Variants in ME1 observed in about 807,000 individuals in gnomAD.
ME1 encodes the protein NADP-dependent malic enzyme.
A neutral mutation model predicts 66.4 loss-of-function variants in ME1; 74 were observed. The ratio of observed to expected loss-of-function variants is 1.11; its 90% CI spans 0.92 to 1.35. The LOEUF (loss-of-function observed/expected upper bound fraction) is 1.35, where lower values mean the gene tolerates loss of function less well. ME1 is among the 40% of genes most tolerant of loss of function. The probability of loss-of-function intolerance (pLI) is 0.00; values close to 1 mark genes in which losing one functional copy is unlikely to be tolerated. For synonymous variants in ME1, 251 were observed against 235.6 expected (o/e 1.07, Z -0.60); for missense variants, 750 against 694.1 (o/e 1.08, Z -0.90).
rs76153164 is a variant in ME1, at chr6:83,278,059, C to T, written c.705-24321G>A. ...CATGTAAAGAGCTTGGAAACTGTTACTCCCATCTCACAAGAAAAATGCTGA... is the reference window on the plus strand; with the variant it reads ...CATGTAAAGAGCTTGGAAACTGTTATTCCCATCTCACAAGAAAAATGCTGA... On this transcript the variant is annotated intron_variant, in intron 6 of 13. Coordinates refer to ENST00000369705, the MANE Select transcript of ME1 (RefSeq NM_002395.6). 5.9e-3 allele frequency among the ~76,000 whole-genome samples: 896 copies of T among 152,138 alleles called. 24 individuals carry two copies. The East Asian group carries it at 0.06, about 10-fold the overall frequency.
chr6:83,300,690 T>C (rs1767699094), intron 6 of ME1, among the ~76,000 whole-genome samples: 1 of 137,814 alleles, frequency 7.3e-6, no homozygotes, highest in Admixed American at 8.0e-5. Context: ...AGCCATCCCA[T>C]TACTGGGTAC....
chr6:83,241,379 G>A (rs1790505586), intron 7 of ME1, among the ~76,000 whole-genome samples: 1 of 152,048 alleles, frequency 6.6e-6, no homozygotes, highest in African/African-American at 2.4e-5. Flanking sequence ...AGCAATCACT[G>A]TATTTGTATT....
In ME1 at chr6:83,239,549, C is replaced by G. The variant is rs539655823; in HGVS notation, c.902G>C (p.Gly301Ala). Residue 301 changes from glycine (G) to alanine (A), a missense_variant, in exon 8 of 14, where the codon GGA becomes GCA. Gly to Ala is a moderately conservative substitution (Grantham distance 60). Coordinates refer to ENST00000369705, the MANE Select transcript of ME1 (RefSeq NM_002395.6). ...ACACAAGGCAAATACCTCTCCAGCT[C>G]CTTGGAATAGTATTGTTTGATCAGA... ...KLSDQTILFQ[G>A]AGEAALGIAH... The G allele has an allele frequency of 1.2e-6, 2 of 1,611,518 alleles. 1 individual carries two copies. Among genetic ancestry groups the G allele is most frequent in the Admixed American group, 3.3e-5 (2 of 59,984 alleles).
intron 5 of ME1, among the ~76,000 whole-genome samples, chr6:83,337,998 T>C (rs1449095136): frequency 4.0e-5 from 1 of 25,256 alleles, no homozygotes; most frequent in Non-Finnish European, 6.6e-5. Flanking sequence ...AGATAAAGGG[T>C]ATTCAATTAG....
chr6:83,277,679 A>C (rs1329167689), intron 6 of ME1, among the ~76,000 whole-genome samples: 2 of 152,120 alleles, frequency 1.3e-5, no homozygotes, highest in Non-Finnish European at 2.9e-5. Context: ...AGGCAGGCAG[A>C]TCACTTGAGG....
intron 6 of ME1, among the ~76,000 whole-genome samples, chr6:83,267,129 A>G (rs1375104188): frequency 6.6e-6 from 1 of 152,126 alleles, no homozygotes; most frequent in Non-Finnish European, 1.5e-5. Context: ...GATGTGTGGA[A>G]GCTCAATAAT....
chr6:83,333,989 TG>T (rs1273055751), intron 5 of ME1, among the ~76,000 whole-genome samples: 8 of 152,174 alleles, frequency 5.3e-5, no homozygotes, highest in Admixed American at 4.6e-4. Context: ...GGAACAGCTC[TG>T]GTCTACAGCT....
intron 6 of ME1, among the ~76,000 whole-genome samples, chr6:83,288,992 T>C (rs573004327): frequency 6.6e-6 from 1 of 152,362 alleles, no homozygotes; most frequent in South Asian, 2.1e-4. Context: ...TTTTTGCACA[T>C]TGATTTTGTA....
intron 1 of ME1, among the ~76,000 whole-genome samples, chr6:83,414,911 G>A (rs1181992292): frequency 6.6e-6 from 1 of 152,134 alleles, no homozygotes; most frequent in Non-Finnish European, 1.5e-5. Context: ...AAAAGTATCT[G>A]TTAAATAAGC....
intron 6 of ME1, among the ~76,000 whole-genome samples, chr6:83,310,741 A>G (rs1767914311): frequency 6.6e-6 from 1 of 152,174 alleles, no homozygotes; most frequent in South Asian, 2.1e-4. Flanking sequence ...TATAAGGACA[A>G]TGGGAAAAAA....
chr6:83,358,753 C>T (rs1468423903), intron 3 of ME1, among the ~76,000 whole-genome samples: 1 of 152,162 alleles, frequency 6.6e-6, no homozygotes, highest in Non-Finnish European at 1.5e-5. Context: ...GCAACATCCC[C>T]TCCTGGACCC....
chr6:83,274,207 C>A (rs1308120214), intron 6 of ME1, among the ~76,000 whole-genome samples: 1 of 151,746 alleles, frequency 6.6e-6, no homozygotes, highest in African/African-American at 2.4e-5. Context: ...GTGTTCATGC[C>A]CATGGTTAAA....
chr6:83,262,758 G>A (rs1766921694), intron 6 of ME1, among the ~76,000 whole-genome samples: 1 of 152,316 alleles, frequency 6.6e-6, no homozygotes, highest in South Asian at 2.1e-4. Flanking sequence ...GGTAGTGAGT[G>A]TTGCCATCTA....
chr6:83,298,643 G>A (rs960253322), intron 6 of ME1, among the ~76,000 whole-genome samples: 5 of 152,066 alleles, frequency 3.3e-5, no homozygotes, highest in Admixed American at 3.3e-4. Flanking sequence ...CTTTGTCCAT[G>A]CCTATGTCTT....
intron 5 of ME1, among the ~76,000 whole-genome samples, chr6:83,329,787 CTTACT>C (rs369360253): frequency 4.6e-5 from 7 of 151,776 alleles, no homozygotes; most frequent in African/African-American, 1.7e-4. Flanking sequence ...CATTTTCTTA[CTTACT>C]TTAAAGTGTT....
intron 6 of ME1, among the ~76,000 whole-genome samples, chr6:83,273,222 A>G (rs572878831): frequency 3.7e-4 from 56 of 151,682 alleles, no homozygotes; most frequent in African/African-American, 1.3e-3. Context: ...CTGTAATACT[A>G]GTTTCTAAAA....
At chr6:83,425,275 T>C (rs1770347986) in intron 1 of ME1, among the ~76,000 whole-genome samples, 1 of 152,208 alleles carries the variant, frequency 6.6e-6, no homozygotes, top group Middle Eastern at 3.4e-3. Flanking sequence ...ACATCTGGCA[T>C]TACAGGTGTG....
intron 9 of ME1, among the ~76,000 whole-genome samples, chr6:83,235,368 G>A (rs562182174): frequency 6.6e-6 from 1 of 152,128 alleles, no homozygotes; most frequent in African/African-American, 2.4e-5. Flanking sequence ...CGATCCATAG[G>A]TGGTTTTATT....
intron 1 of ME1, among the ~76,000 whole-genome samples, chr6:83,428,440 T>C (rs1770414659): frequency 6.6e-6 from 1 of 152,170 alleles, no homozygotes; most frequent in Non-Finnish European, 1.5e-5. Context: ...CCAGCAAAAC[T>C]GTTGTTGCAG....
Sources: gnomAD v4.1 joint callset for allele counts (sites outside exome capture counted in the v4.1 genomes callset) on GRCh38, gnomAD v4.1.1 for gene constraint, MANE v1.5 for transcripts, NCBI Gene and HGNC (gene_info 2026-07-23, HGNC 2026-07-21) for gene names.